The following PRRC2B variants were observed in gnomAD, a reference collection of about 807,000 sequenced individuals.
The protein encoded by PRRC2B is proline rich coiled-coil 2B.
PRRC2B carries 68 observed loss-of-function variants against 242.3 expected under a neutral mutation model. The ratio of observed to expected loss-of-function variants is 0.28; its 90% CI spans 0.23 to 0.34. The LOEUF (loss-of-function observed/expected upper bound fraction) is 0.34, where lower values mean the gene tolerates loss of function less well. Among genes scored for constraint, PRRC2B ranks in the 10% least tolerant of loss-of-function variants. The probability of loss-of-function intolerance (pLI) is 1.00; values close to 1 mark genes in which losing one functional copy is unlikely to be tolerated. For synonymous variants in PRRC2B, 1,228 were observed against 1,173.6 expected, an observed-to-expected ratio of 1.05 and a Z score of -0.95; for missense variants, 2,835 against 2,954.8, an observed-to-expected ratio of 0.96 and a Z score of 0.94.
At chr9:131,382,747 C>T (rs895931624) in intron 1 of PRRC2B, among the ~76,000 whole-genome samples, 3 of 151,820 alleles carry the variant, frequency 2.0e-5, no homozygotes, top group Non-Finnish European at 4.4e-5. Flanking sequence ...CAAGCTCAAG[C>T]GAATCTCCTG....
chr9:131,465,947 A>C (rs540560909), intron 12 of PRRC2B, among the ~76,000 whole-genome samples: 1 of 151,944 alleles, frequency 6.6e-6, no homozygotes, highest in South Asian at 2.1e-4. Context: ...CTGGTTTGGA[A>C]CTCCTGGCCT....
intron 5 of PRRC2B, among the ~76,000 whole-genome samples, chr9:131,443,131 ATTTTATTAT>A (rs1564285566): frequency 2.0e-4 from 21 of 102,640 alleles, no homozygotes; most frequent in Non-Finnish European, 2.0e-4. Context: ...ATTTTATTTT[ATTTTATTAT>A]TTTTTTTTTT....
chr9:131,461,389 C>T (rs928500959), intron 11 of PRRC2B, among the ~76,000 whole-genome samples: 15 of 152,114 alleles, frequency 9.9e-5, no homozygotes, highest in Non-Finnish European at 1.9e-4. Context: ...TGCAGTCAGC[C>T]GCCAGGACTC....
At chr9:131,413,979 G>A (rs1015578545) in intron 1 of PRRC2B, among the ~76,000 whole-genome samples, 1 of 152,162 alleles carries the variant, frequency 6.6e-6, no homozygotes, top group African/African-American at 2.4e-5. Context: ...CTTAATCAAA[G>A]CATTCTTGAA....
rs551840320 is a variant in PRRC2B at position 131,485,208 on chromosome 9, G to T, written c.5758+68G>T. The T allele has an allele frequency of 7.6e-5, 98 of 1,295,490 alleles. No individual in the cohort carries two copies. In the African/African-American group the frequency reaches 1.2e-3, roughly 15 times the overall value. 80.2% of individuals were successfully genotyped at this position (1,295,490 alleles called of 1,614,324 possible). Reference sequence around the variant, plus strand: ...TATTATCAAGAAAAACGGATTAACAGCCCCGAATGTCACCTCCTGGCCTTG... The same window carrying T: ...TATTATCAAGAAAAACGGATTAACATCCCCGAATGTCACCTCCTGGCCTTG... On this transcript the variant is annotated intron_variant, in intron 25 of 31. Coordinates refer to ENST00000683519, the MANE Select transcript of PRRC2B (RefSeq NM_013318.4).
At chr9:131,412,125 T>G (rs1191241981) in intron 1 of PRRC2B, among the ~76,000 whole-genome samples, 2 of 152,216 alleles carry the variant, frequency 1.3e-5, no homozygotes, top group Non-Finnish European at 2.9e-5. Flanking sequence ...TCTTAAAGTC[T>G]AATATAGTCA....
chr9:131,495,768 G>C lies in PRRC2B; in HGVS notation c.6584G>C (p.Ser2195Thr), dbSNP rs1449594079. 1.4e-5 allele frequency: 23 copies of C among 1,612,358 alleles called. No individual in the cohort carries two copies. The highest frequency in any genetic ancestry group is 1.9e-5 in the Non-Finnish European group (22 of 1,178,672). Residue 2195 changes from serine (S) to threonine (T), a missense_variant, in exon 32 of 32, where the codon AGC (serine) becomes ACC (threonine). Around this residue, in one of 7 missense-constraint regions of PRRC2B, gnomAD observed 574 missense variants for 626.0 expected, o/e 0.92. Transcript: ENST00000683519. ...QAKQRVDEKP[S>T]LGAVKLQEAP... ...AAACAACGAGTGGATGAGAAACCCA[G>C]CCTGGGAGCCGTGAAGCTGCAGGAG...
intron 1 of PRRC2B, among the ~76,000 whole-genome samples, chr9:131,416,197 C>T (rs1374606195): frequency 6.6e-6 from 1 of 152,026 alleles, no homozygotes; most frequent in Admixed American, 6.6e-5. Flanking sequence ...CAACTTCTGC[C>T]TCCCAGGTTC....
rs774619021 is a variant in PRRC2B, at chr9:131,475,770, A to G, written c.3641A>G (p.Tyr1214Cys). Reference sequence around the variant, plus strand: ...CCTCCCCGGCTGAGCAATTGCGGGTATGGACGGAGAACCTTCGTCTCCAAA... The same window carrying G: ...CCTCCCCGGCTGAGCAATTGCGGGTGTGGACGGAGAACCTTCGTCTCCAAA... Reference protein sequence around the residue: ...ALPPRLSNCGYGRRTFVSKES... With the variant: ...ALPPRLSNCGCGRRTFVSKES... The change falls in exon 16 of 32, where the codon TAT becomes TGT. Residue 1214 changes from tyrosine (Y) to cysteine (C), a missense_variant. Around this residue, in one of 7 missense-constraint regions of PRRC2B, gnomAD observed 1,536 missense variants for 1,483.1 expected, o/e 1.04. Transcript: ENST00000683519. 4.3e-6 allele frequency: 7 copies of G among 1,613,518 alleles called. No individual in the cohort carries two copies. The highest frequency in any genetic ancestry group is 5.9e-6 in the Non-Finnish European group (7 of 1,179,776).
intron 26 of PRRC2B, chr9:131,486,502 G>GA (rs1944029343): frequency 1.0e-6 from 1 of 985,342 alleles, no homozygotes; most frequent in African/African-American, 1.7e-5. Flanking sequence ...ATGAAGAGAA[G>GA]AAAGGCCTAA....
At chr9:131,491,185 G>A (rs576605994) in intron 28 of PRRC2B, 15 of 460,392 alleles carry the variant, frequency 3.3e-5, no homozygotes, top group Admixed American at 8.3e-5. Context: ...AGTCTTGCCC[G>A]TTTTCTCACC....
intron 1 of PRRC2B, among the ~76,000 whole-genome samples, chr9:131,420,586 G>T (rs1837812772): frequency 6.8e-6 from 1 of 146,356 alleles, no homozygotes; most frequent in African/African-American, 2.5e-5. Flanking sequence ...CCACCTCTTG[G>T]GTTCAAGTGA....
At chr9:131,457,464 C>T (rs941145566) in intron 10 of PRRC2B, among the ~76,000 whole-genome samples, 16 of 152,252 alleles carry the variant, frequency 1.1e-4, no homozygotes, top group Middle Eastern at 3.4e-3. Context: ...TCAGAGTGCC[C>T]GAACGATCTC....
intron 18 of PRRC2B, 30 bp downstream of exon 18, chr9:131,478,649 G>GGGGGGGGCCCCGGGCC: frequency 2.0e-6 from 1 of 504,556 alleles, no homozygotes; most frequent in Non-Finnish European, 4.0e-6. Flanking sequence ...GGGGCATGGG[G>GGGGGGGGCCCCGGGCC]CTGGAGGGCA....
intron 1 of PRRC2B, among the ~76,000 whole-genome samples, chr9:131,420,503 T>TCTTTCTTTCTTTCC (rs1465337298): frequency 1.1e-5 from 1 of 93,814 alleles, no homozygotes; most frequent in Non-Finnish European, 2.2e-5. Flanking sequence ...CTTTTTTTTT[T>TCTTTCTTTCTTTCC]TTTTTTTGAG....
At chr9:131,438,933 T>A in intron 4 of PRRC2B, 56 bp from the exon 5 acceptor site, 1 of 1,381,604 alleles carries the variant, frequency 7.2e-7, no homozygotes. Context: ...AATAGGCTGT[T>A]ATTGTACAGT....
intron 16 of PRRC2B, 32 bp from the exon 17 acceptor site, chr9:131,477,712 C>T (rs1254563552): frequency 2.1e-6 from 3 of 1,406,388 alleles, no homozygotes; most frequent in African/African-American, 1.4e-5. Context: ...CCTTCCCCAG[C>T]TCTGGTTAAC....
At position 131,447,183 on chromosome 9, in the gene PRRC2B, G is replaced by A; in HGVS notation, c.954G>A (p.Gln318=). 1 of 1,613,968 alleles carries A rather than the reference G, an allele frequency of 6.2e-7. No homozygotes were observed. The highest frequency in any genetic ancestry group is 8.5e-7 in the Non-Finnish European group (1 of 1,179,886). The part of the protein sequence containing the change: ...LRLEPRVPFR[Q]FQMNDQDGKE... Reference sequence around the variant, plus strand: ...TTGAACCTCGAGTTCCTTTTAGACAGTTCCAGATGAATGACCAAGACGGGT... The same window carrying A: ...TTGAACCTCGAGTTCCTTTTAGACAATTCCAGATGAATGACCAAGACGGGT... The change falls in exon 8 of 32, where the codon CAG becomes CAA. Residue 318 remains glutamine (Q), a synonymous_variant. Coordinates refer to ENST00000683519, the MANE Select transcript of PRRC2B (RefSeq NM_013318.4).
At chr9:131,478,649 G>GGGGGGGGCCCCCGGGGC in intron 18 of PRRC2B, 30 bp downstream of exon 18, 1 of 504,560 alleles carries the variant, frequency 2.0e-6, no homozygotes, top group East Asian at 5.1e-5. Flanking sequence ...GGGGCATGGG[G>GGGGGGGGCCCCCGGGGC]CTGGAGGGCA....
Sources: allele counts gnomAD v4.1 joint callset (sites outside exome capture counted in the v4.1 genomes callset), GRCh38; gene constraint gnomAD v4.1.1; regional missense constraint gnomAD v4.1.1; transcripts MANE v1.5; gene names NCBI Gene and HGNC (gene_info 2026-07-23, HGNC 2026-07-21).